Variants in HERC6 observed in about 807,000 individuals in gnomAD.
The protein encoded by HERC6 is probable E3 ubiquitin-protein ligase HERC6.
Under a neutral mutation model 114.5 loss-of-function variants are expected in HERC6, and 101 were observed. The observed-to-expected ratio is 0.88, with a 90% CI of 0.75 to 1.04. The LOEUF (loss-of-function observed/expected upper bound fraction) is 1.04, where lower values mean the gene tolerates loss of function less well. Among genes scored for constraint, HERC6 ranks in the 50% least tolerant of loss-of-function variants. The pLI is 0.00. For missense variants in HERC6, 1,133 were observed against 1,230.9 expected, an observed-to-expected ratio of 0.92 and a Z score of 1.19; for synonymous variants, 408 against 436.2, an observed-to-expected ratio of 0.94 and a Z score of 0.81.
rs1042159765 is a variant in HERC6, at chr4:88,402,382, C to T, written c.1093-2494C>T. On this transcript the variant is annotated intron_variant, in intron 8 of 22. Transcript: ENST00000264346. ...GAGAGCATGGTGTTGGGAGTGGCTGCTACTGGCATCTGGTAGACAGAGGCC... is the reference window on the plus strand; with the variant it reads ...GAGAGCATGGTGTTGGGAGTGGCTGTTACTGGCATCTGGTAGACAGAGGCC... 2.6e-5 allele frequency among the ~76,000 whole-genome samples: 4 copies of T among 152,120 alleles called. No homozygotes were observed. In the South Asian group the frequency reaches 8.3e-4, roughly 31 times the overall value.
At position 88,385,550 on chromosome 4, in the gene HERC6, C is replaced by G; in HGVS notation, c.411C>G (p.His137Gln). 2.7e-6 allele frequency: 4 copies of G among 1,504,932 alleles called. No homozygotes were observed. The highest frequency in any genetic ancestry group is 2.7e-6 in the Non-Finnish European group (3 of 1,120,970). 93.2% of individuals were successfully genotyped at this position (1,504,932 alleles called of 1,614,324 possible). ...AAATAATACAAGTTTCCTGTGGACA[C>G]TACCACTCCCTGGCATTATCAAAAG... Reference protein sequence around the residue: ...DIKIIQVSCGHYHSLALSKDS... With the variant: ...DIKIIQVSCGQYHSLALSKDS... The change falls in exon 3 of 23, where the codon CAC (histidine) becomes CAG (glutamine). Residue 137 changes from histidine (H) to glutamine (Q), a missense_variant. His to Gln is a conservative substitution (Grantham distance 24, BLOSUM62 0). Around this residue, in one of 3 missense-constraint regions of HERC6, gnomAD observed 735 missense variants for 754.0 expected, o/e 0.97. Coordinates refer to ENST00000264346, the MANE Select transcript of HERC6 (RefSeq NM_017912.4).
chr4:88,388,366 C>A (rs2110236281), intron 3 of HERC6, among the ~76,000 whole-genome samples: 1 of 152,174 alleles, frequency 6.6e-6, no homozygotes, highest in African/African-American at 2.4e-5. Context: ...GCCTGGCCAA[C>A]ATGAGGAAAC....
chr4:88,389,327 T>C (rs1374456437), intron 3 of HERC6, among the ~76,000 whole-genome samples: 6 of 151,968 alleles, frequency 3.9e-5, no homozygotes, highest in South Asian at 2.1e-4. Context: ...AAGTATTCAG[T>C]TGGACTTAGA....
At chr4:88,394,152 CT>C in intron 5 of HERC6, among the ~76,000 whole-genome samples, 1 of 152,248 alleles carries the variant, frequency 6.6e-6, no homozygotes, top group Middle Eastern at 3.4e-3. Flanking sequence ...CTAATTTCAG[CT>C]TTAGGAAGTA....
Position 88,393,577 on chromosome 4 carries a change from AC to A in HERC6, c.757del (p.Gln253ArgfsTer36). The A allele has an allele frequency of 6.2e-7, 1 of 1,604,436 alleles. No homozygotes were observed. Among genetic ancestry groups the A allele is most frequent in the South Asian group, 1.1e-5 (1 of 90,132 alleles). On this transcript the variant is annotated frameshift_variant, in exon 5 of 23. Transcript: ENST00000264346. LOFTEE classifies it high-confidence loss of function. ...SCGDAHTAVLTQDGKVFTFGD... is the reference protein window; with the variant it reads ...SCGDAHTAVLXQDGKVFTFGD... Reference sequence around the variant, plus strand: ...TGGTGATGCACACACTGCGGTGCTTACCCAGGTAATCCAAAACGTGTTGCTA... The same window carrying A: ...TGGTGATGCACACACTGCGGTGCTTACCAGGTAATCCAAAACGTGTTGCTA...
intron 5 of HERC6, among the ~76,000 whole-genome samples, chr4:88,395,126 G>T (rs2148880869): frequency 6.6e-6 from 1 of 152,134 alleles, no homozygotes; most frequent in Non-Finnish European, 1.5e-5. Context: ...AAAACTATAT[G>T]CCCCCAATTA....
At chr4:88,395,859 A>C (rs574688016) in intron 5 of HERC6, among the ~76,000 whole-genome samples, 156 bp from the exon 6 acceptor site, 1 of 152,294 alleles carries the variant, frequency 6.6e-6, no homozygotes, top group South Asian at 2.1e-4. Context: ...TTAACTCAAC[A>C]TACACTATTA....
intron 5 of HERC6, among the ~76,000 whole-genome samples, chr4:88,394,341 C>T (rs970829013): frequency 5.3e-5 from 8 of 150,938 alleles, no homozygotes; most frequent in African/African-American, 1.2e-4. Context: ...GGCATGGTTA[C>T]GGGCACCTGT....
chr4:88,416,098 A>G (rs1374436517), intron 12 of HERC6, among the ~76,000 whole-genome samples: 1 of 152,172 alleles, frequency 6.6e-6, no homozygotes, highest in African/African-American at 2.4e-5. Flanking sequence ...TGCCTTAAAT[A>G]ATTATTGGGT....
rs1259006974 is a variant in HERC6, at chr4:88,405,595, C to A, written c.1256C>A (p.Ala419Glu). The change falls in exon 10 of 23, where the codon GCA (alanine) becomes GAA (glutamate). Residue 419 changes from alanine to glutamate, a missense_variant. This residue lies in a region of HERC6 where 735 missense variants were observed against 754.0 expected (regional missense o/e 0.97). Coordinates refer to ENST00000264346, the MANE Select transcript of HERC6 (RefSeq NM_017912.4). ...MIFSSPACLT[A>E]SFLKKRGTGE... Reference sequence around the variant, plus strand: ...TTTTCATCTCCTGCTTGTCTGACTGCAAGTTTTTTAAAGAAAAGGTAATAC... The same window carrying A: ...TTTTCATCTCCTGCTTGTCTGACTGAAAGTTTTTTAAAGAAAAGGTAATAC... The A allele has an allele frequency of 5.2e-6, 8 of 1,533,956 alleles. No individual in the cohort carries two copies. Among genetic ancestry groups the A allele is most frequent in the Non-Finnish European group, 7.1e-6 (8 of 1,127,708 alleles).
In HERC6 at chr4:88,435,902, A is replaced by G; in HGVS notation, c.2417+11A>G. Reference sequence around the variant, plus strand: ...TCCTCGGTTGGGGAAGTAAGTAAATATAACGTTTTTTCAGGACCGTATCTA... The same window carrying G: ...TCCTCGGTTGGGGAAGTAAGTAAATGTAACGTTTTTTCAGGACCGTATCTA... On this transcript the variant is annotated intron_variant, in intron 18 of 22. Coordinates refer to ENST00000264346, the MANE Select transcript of HERC6 (RefSeq NM_017912.4). 1.9e-6 allele frequency: 3 copies of G among 1,595,002 alleles called. No individual in the cohort carries two copies. The highest frequency in any genetic ancestry group is 8.5e-7 in the Non-Finnish European group (1 of 1,172,308).
At chr4:88,404,143 G>A (rs771709619) in intron 8 of HERC6, among the ~76,000 whole-genome samples, 31 of 150,946 alleles carry the variant, frequency 2.1e-4, no homozygotes, top group Admixed American at 3.9e-4. Flanking sequence ...TATTTCATTC[G>A]CTTGTCTTCA....
At position 88,397,006 on chromosome 4, in the gene HERC6, C is replaced by T. The variant is rs375443917; in HGVS notation, c.1024+19C>T. The T allele has an allele frequency of 5.7e-5, 92 of 1,602,118 alleles. No homozygotes were observed. The African/African-American group carries it at 9.1e-4, about 16-fold the overall frequency. On this transcript the variant is annotated intron_variant, in intron 7 of 22. Transcript: ENST00000264346. ...GCTGAAGGTGTGAATCCCACTAATT[C>T]ATGATTTTGTGTTCATCAATGCCAC... is the stretch of plus-strand genomic sequence containing the variant.
chr4:88,407,300 C>T (rs984100837), intron 10 of HERC6, among the ~76,000 whole-genome samples: 3 of 152,090 alleles, frequency 2.0e-5, no homozygotes, highest in South Asian at 4.1e-4. Flanking sequence ...AGGCTGGTCT[C>T]GAGCTACTGA....
chr4:88,396,172 A>G (rs1578378997), intron 6 of HERC6, 30 bp downstream of exon 6: 1 of 1,524,198 alleles, frequency 6.6e-7, no homozygotes. Flanking sequence ...TCTTTTTCTT[A>G]GCATGTGTAG....
chr4:88,393,791 GAT>G (rs1258749525), intron 5 of HERC6, among the ~76,000 whole-genome samples: 24 of 152,302 alleles, frequency 1.6e-4, no homozygotes, highest in African/African-American at 5.8e-4. Flanking sequence ...CAGCAGATTT[GAT>G]GTCTGATGAG....
chr4:88,441,392 C>T (rs1339335418), intron 22 of HERC6, among the ~76,000 whole-genome samples: 3 of 152,104 alleles, frequency 2.0e-5, no homozygotes, highest in African/African-American at 4.8e-5. Flanking sequence ...CTTTTTTCCC[C>T]GTTTCAGACA....
rs775034866 is a variant in HERC6, at chr4:88,390,749, G to A, written c.534G>A (p.Leu178=). 20 of 1,614,080 alleles carry A rather than the reference G, an allele frequency of 1.2e-5. No homozygotes were observed. The highest frequency in any genetic ancestry group is 1.3e-5 in the African/African-American group (1 of 74,918). The change falls in exon 4 of 23, where the codon CTG becomes CTA. Residue 178 remains leucine, a synonymous_variant. Coordinates refer to ENST00000264346, the MANE Select transcript of HERC6 (RefSeq NM_017912.4). The part of the protein sequence containing the change: ...SQASPQRVRS[L]EGIPLAQVAA... ...CCAGCCCGCAGAGGGTGAGGTCCCT[G>A]GAGGGGATCCCACTGGCTCAGGTGG...
At chr4:88,399,884 G>A (rs149434761) in intron 8 of HERC6, 7 of 152,390 alleles carry the variant, frequency 4.6e-5, no homozygotes, top group African/African-American at 1.4e-4. Context: ...AAAAGGCCTT[G>A]TAGAGGCTGT....
Sources: gnomAD v4.1 joint callset for allele counts (sites outside exome capture counted in the v4.1 genomes callset) on GRCh38, gnomAD v4.1.1 for gene constraint, gnomAD v4.1.1 regional missense constraint, MANE v1.5 for transcripts, NCBI Gene and HGNC (gene_info 2026-07-23, HGNC 2026-07-21) for gene names.